Variants in FTO observed in about 807,000 individuals in gnomAD.
FTO encodes alpha-ketoglutarate-dependent dioxygenase FTO.
Under a neutral mutation model 63.9 loss-of-function variants are expected in FTO, and 47 were observed. The ratio of observed to expected loss-of-function variants is 0.74; its 90% CI spans 0.58 to 0.94. FTO has a LOEUF of 0.94. Ranked by LOEUF, FTO falls within the 40% of genes least tolerant of loss-of-function variation. The pLI, the probability that FTO is intolerant of heterozygous loss-of-function variation, is 0.00. For synonymous variants in FTO, 207 were observed against 224.4 expected (o/e 0.92, Z 0.69); for missense variants, 562 against 618.1 (o/e 0.91, Z 0.96).
intron 1 of FTO, among the ~76,000 whole-genome samples, chr16:53,805,729 T>A (rs1316701392): frequency 6.6e-6 from 1 of 152,106 alleles, no homozygotes; most frequent in Non-Finnish European, 1.5e-5. Context: ...GGATTACAGG[T>A]GTGAGCCACT....
chr16:53,765,557 C>CAA lies in FTO; in HGVS notation c.46-44569_46-44568dup, dbSNP rs11383210. 2.3e-3 allele frequency among the ~76,000 whole-genome samples: 278 copies of CAA among 120,494 alleles called. 3 individuals are homozygous for CAA. The highest frequency in any genetic ancestry group is 6.2e-3 in the African/African-American group (208 of 33,296). The allele number at this position is 120,494 out of a possible 152,430, so 79.0% of individuals were successfully genotyped here. A position where few individuals can be genotyped will look rare whatever the true frequency, so the allele number is the denominator to read the frequency against. On this transcript the variant is annotated intron_variant, in intron 1 of 8. Transcript: ENST00000471389. The stretch of plus-strand genomic sequence containing the variant: ...GGGCAACAAGAGCGAAACTCCGTCT[C>CAA]AAAAAAAAAAAAAAAGAAAGTAAAC...
At chr16:53,971,732 G>A (rs534810838) in intron 8 of FTO, among the ~76,000 whole-genome samples, 3 of 152,336 alleles carry the variant, frequency 2.0e-5, no homozygotes, top group African/African-American at 7.2e-5. Context: ...GTGTTAACTC[G>A]GAGTTGGGCC....
intron 4 of FTO, among the ~76,000 whole-genome samples, chr16:53,861,795 C>T (rs2080180736): frequency 6.6e-6 from 1 of 152,046 alleles, no homozygotes; most frequent in South Asian, 2.1e-4. Flanking sequence ...CTTGGTCAGC[C>T]AAAATGTAGT....
At chr16:53,729,204 A>T (rs114722044) in intron 1 of FTO, among the ~76,000 whole-genome samples, 8,843 of 151,644 alleles carry the variant, frequency 0.058, 839 homozygotes, top group African/African-American at 0.2. Flanking sequence ...GCCTGTTTCC[A>T]TTCCACCCAC....
At position 54,104,102 on chromosome 16, in the gene FTO, A is replaced by T. The variant is rs1177564383; in HGVS notation, c.1365-7660A>T. Among the ~76,000 whole-genome samples, 17 of 152,210 alleles carry T rather than the reference A, an allele frequency of 1.1e-4. 1 individual carries two copies. Among genetic ancestry groups the T allele is most frequent in the Non-Finnish European group, 5.9e-5 (4 of 68,048 alleles). On this transcript the variant is annotated intron_variant, in intron 8 of 8. Coordinates refer to ENST00000471389, the MANE Select transcript of FTO (RefSeq NM_001080432.3). ...CTCTGTATGGCAAGACATTTGCCAC[A>T]CAAATACACATTAGAGTGAAATGAA...
intron 8 of FTO, among the ~76,000 whole-genome samples, chr16:53,955,580 T>C (rs1178909341): frequency 1.3e-5 from 2 of 152,186 alleles, no homozygotes; most frequent in Non-Finnish European, 2.9e-5. Flanking sequence ...TGGAGTTTGC[T>C]GACAGATGAA....
At chr16:53,889,024 T>C in intron 7 of FTO, 73 bp downstream of exon 7, 7 of 1,487,972 alleles carry the variant, frequency 4.7e-6, no homozygotes, top group Non-Finnish European at 4.7e-6. Flanking sequence ...CCTCATTTGC[T>C]TAGGCAAATG....
chr16:53,783,475 G>T (rs1352052830), intron 1 of FTO, among the ~76,000 whole-genome samples: 1 of 152,020 alleles, frequency 6.6e-6, no homozygotes, highest in Admixed American at 6.6e-5. Context: ...GGGCGTGGTG[G>T]CGGGCGCCTG....
intron 2 of FTO, among the ~76,000 whole-genome samples, chr16:53,822,530 C>T (rs924935011): frequency 3.9e-5 from 6 of 152,226 alleles, no homozygotes; most frequent in East Asian, 3.9e-4. Context: ...GCCACCGTCA[C>T]GGTGTTACTG....
At chr16:53,969,693 C>A (rs1399302088) in intron 8 of FTO, among the ~76,000 whole-genome samples, 1 of 152,198 alleles carries the variant, frequency 6.6e-6, no homozygotes, top group East Asian at 1.9e-4. Context: ...TCTATACCTT[C>A]TGCCCCTGGG....
chr16:54,092,951 G>T (rs1217626632), intron 8 of FTO, among the ~76,000 whole-genome samples: 1 of 152,202 alleles, frequency 6.6e-6, no homozygotes, highest in African/African-American at 2.4e-5. Context: ...CTATCCAAGA[G>T]GTGGCTTAAA....
chr16:53,806,613 C>G (rs12149574), intron 1 of FTO, among the ~76,000 whole-genome samples: 46,775 of 152,010 alleles, frequency 0.31, 8,767 homozygotes, highest in Non-Finnish European at 0.42. Context: ...TTCCACTGTC[C>G]CCTGTGGCTG....
chr16:53,921,101 G>A (rs896040090), intron 7 of FTO, among the ~76,000 whole-genome samples: 2 of 152,202 alleles, frequency 1.3e-5, no homozygotes, highest in Non-Finnish European at 2.9e-5. Flanking sequence ...CTGTAGGGCC[G>A]CAGACAAAAG....
At chr16:53,909,770 G>A (rs1018006190) in intron 7 of FTO, among the ~76,000 whole-genome samples, 2 of 151,866 alleles carry the variant, frequency 1.3e-5, no homozygotes, top group African/African-American at 4.8e-5. Context: ...CACCATGTTG[G>A]CCAGGCTGGT....
At chr16:53,957,803 G>A (rs542961786) in intron 8 of FTO, among the ~76,000 whole-genome samples, 6 of 152,334 alleles carry the variant, frequency 3.9e-5, no homozygotes, top group African/African-American at 1.4e-4. Context: ...TTTATTCATT[G>A]GAGTTGAATG....
chr16:53,902,964 G>T (rs965234620), intron 7 of FTO, among the ~76,000 whole-genome samples: 5 of 152,114 alleles, frequency 3.3e-5, no homozygotes, highest in African/African-American at 1.2e-4. Flanking sequence ...AAAAGACTTA[G>T]CCAGGCGTAG....
chr16:54,002,346 A>G (rs1339483902), intron 8 of FTO, among the ~76,000 whole-genome samples: 3 of 152,206 alleles, frequency 2.0e-5, no homozygotes, highest in Admixed American at 6.5e-5. Context: ...TGTCATTTAT[A>G]AACTCAAATG....
chr16:53,936,302 A>G (rs2082388707), intron 8 of FTO, among the ~76,000 whole-genome samples: 1 of 152,242 alleles, frequency 6.6e-6, no homozygotes, highest in East Asian at 1.9e-4. Context: ...AAATTTCAAG[A>G]GGCTGGTGTC....
intron 8 of FTO, among the ~76,000 whole-genome samples, chr16:54,009,622 C>T (rs183773095): frequency 1.8e-4 from 27 of 152,264 alleles, no homozygotes; most frequent in Admixed American, 1.3e-3. Context: ...CCCAAGAGCC[C>T]GGTTCCCAGG....
Sources: allele counts gnomAD v4.1 joint callset (sites outside exome capture counted in the v4.1 genomes callset), GRCh38; gene constraint gnomAD v4.1.1; transcripts MANE v1.5; gene names NCBI Gene and HGNC (gene_info 2026-07-23, HGNC 2026-07-21).